CNTN5: variants seen among roughly 807,000 people sequenced by gnomAD.
CNTN5 encodes the protein contactin 5.
In CNTN5, 77 loss-of-function variants were observed where a neutral mutation model predicts 129.1. The ratio of observed to expected loss-of-function variants is 0.60; its 90% confidence interval spans 0.50 to 0.72. The LOEUF is 0.72. Among genes scored for constraint, CNTN5 ranks in the 30% least tolerant of loss-of-function variants. The pLI is 0.00. For synonymous variants in CNTN5, 509 were observed against 465.6 expected, an observed-to-expected ratio of 1.09 and a Z score of -1.20; for missense variants, 1,478 against 1,328.8, an observed-to-expected ratio of 1.11 and a Z score of -1.75.
intron 3 of CNTN5, among the ~76,000 whole-genome samples, chr11:99,581,679 T>G (rs546753488): frequency 4.6e-5 from 7 of 152,338 alleles, no homozygotes; most frequent in Middle Eastern, 3.4e-3. Context: ...GTTTTCCATT[T>G]GCTTGGTAGA....
rs1865422585 is a variant in CNTN5, at chr11:99,318,121, A to G, written c.-209-7225A>G. Among the ~76,000 whole-genome samples the G allele has an allele frequency of 3.9e-5, 6 of 152,346 alleles. No homozygotes were observed. The South Asian group carries it at 1.2e-3, about 32-fold the overall frequency. Reference sequence around the variant, plus strand: ...ATAAAAACCCATAAATGTAAGAGAAATATCTTCTTACATGTACATTATAAG... The same window carrying G: ...ATAAAAACCCATAAATGTAAGAGAAGTATCTTCTTACATGTACATTATAAG... On this transcript the variant is annotated intron_variant, in intron 1 of 24. Coordinates refer to ENST00000524871, the MANE Select transcript of CNTN5 (RefSeq NM_014361.4).
intron 1 of CNTN5, among the ~76,000 whole-genome samples, chr11:99,078,244 A>C (rs1005373955): frequency 3.3e-5 from 5 of 152,194 alleles, no homozygotes; most frequent in African/African-American, 1.2e-4. Flanking sequence ...GTTTTCACTG[A>C]TATTAAGCAT....
intron 6 of CNTN5, among the ~76,000 whole-genome samples, chr11:99,878,420 T>C (rs1948688681): frequency 6.6e-6 from 1 of 152,228 alleles, no homozygotes; most frequent in Non-Finnish European, 1.5e-5. Context: ...CTTACAATTT[T>C]TTCAAATTCT....
chr11:99,726,342 G>A (rs1244315719), intron 3 of CNTN5, among the ~76,000 whole-genome samples: 1 of 152,136 alleles, frequency 6.6e-6, no homozygotes, highest in Non-Finnish European at 1.5e-5. Flanking sequence ...AGCTTTTTCT[G>A]TAATCTATGG....
intron 2 of CNTN5, among the ~76,000 whole-genome samples, chr11:99,445,811 C>T (rs537173774): frequency 2.0e-5 from 3 of 152,048 alleles, no homozygotes; most frequent in African/African-American, 2.4e-5. Flanking sequence ...GGGCCGGGCG[C>T]GGTGACTCAC....
Position 99,737,307 on chromosome 11 carries a change from C to T in CNTN5, c.56-82237C>T, listed in dbSNP as rs572311504. Reference sequence around the variant, plus strand: ...CGTATTTATTGTTCTCCTGAAGCTCCTGTAATTATCTTCCAGTTTAAACGT... The same window carrying T: ...CGTATTTATTGTTCTCCTGAAGCTCTTGTAATTATCTTCCAGTTTAAACGT... On this transcript the variant is annotated intron_variant, in intron 3 of 24. Transcript: ENST00000524871. Among the ~76,000 whole-genome samples the T allele has an allele frequency of 3.0e-4, 45 of 152,288 alleles. No homozygotes were observed. In the South Asian group the frequency reaches 9.3e-3, roughly 32 times the overall value.
At chr11:99,841,563 TATA>T (rs1240642393) in intron 4 of CNTN5, among the ~76,000 whole-genome samples, 5 of 149,478 alleles carry the variant, frequency 3.3e-5, no homozygotes, top group African/African-American at 9.9e-5. Context: ...AGCACATAAG[TATA>T]ATAAGAGTGA....
intron 2 of CNTN5, among the ~76,000 whole-genome samples, chr11:99,388,596 T>C (rs1941058936): frequency 6.6e-6 from 1 of 152,146 alleles, no homozygotes; most frequent in Non-Finnish European, 1.5e-5. Context: ...ACAAGCCCAT[T>C]GAAATCAGAC....
rs149350978 is a variant in CNTN5, at chr11:99,881,751, G to A, written c.578-34303G>A. The stretch of plus-strand genomic sequence containing the variant: ...CAGAAGCTGCTAGTGCTGGGTTTTC[G>A]GTCATTACTATGATTTGTAGCAAAG... On this transcript the variant is annotated intron_variant, in intron 6 of 24. Coordinates refer to ENST00000524871, the MANE Select transcript of CNTN5 (RefSeq NM_014361.4). 3.0e-4 allele frequency among the ~76,000 whole-genome samples: 45 copies of A among 152,222 alleles called. No individual in the cohort carries two copies. The East Asian group carries it at 8.3e-3, about 28-fold the overall frequency.
intron 13 of CNTN5, among the ~76,000 whole-genome samples, chr11:100,077,632 G>T (rs1327562247): frequency 6.6e-6 from 1 of 151,910 alleles, no homozygotes; most frequent in Non-Finnish European, 1.5e-5. Flanking sequence ...ACCAGCCTGT[G>T]CAACACAGCA....
At chr11:99,998,281 C>T (rs987436589) in intron 8 of CNTN5, among the ~76,000 whole-genome samples, 10 of 151,900 alleles carry the variant, frequency 6.6e-5, no homozygotes, top group Non-Finnish European at 1.3e-4. Context: ...AAAACCTCCT[C>T]AAGCTGATAA....
chr11:99,952,140 G>C (rs571382280), intron 7 of CNTN5, among the ~76,000 whole-genome samples: 23 of 152,206 alleles, frequency 1.5e-4, no homozygotes, highest in African/African-American at 4.8e-4. Context: ...TGTCCCTCAT[G>C]CTCAGTAGTA....
At chr11:99,613,871 T>A (rs557929508) in intron 3 of CNTN5, among the ~76,000 whole-genome samples, 8 of 152,320 alleles carry the variant, frequency 5.3e-5, no homozygotes, top group African/African-American at 1.9e-4. Flanking sequence ...ATGTAAACTG[T>A]TAACTTGTAC....
intron 8 of CNTN5, among the ~76,000 whole-genome samples, chr11:99,989,831 T>C (rs1938941948): frequency 6.6e-6 from 1 of 152,182 alleles, no homozygotes; most frequent in African/African-American, 2.4e-5. Context: ...AGTGGCACGA[T>C]CTGGGCTCAC....
At chr11:99,601,045 A>G (rs188774607) in intron 3 of CNTN5, among the ~76,000 whole-genome samples, 1 of 152,262 alleles carries the variant, frequency 6.6e-6, no homozygotes, top group African/African-American at 2.4e-5. Flanking sequence ...TGTCTCTCCT[A>G]CTAAACAACA....
intron 2 of CNTN5, among the ~76,000 whole-genome samples, chr11:99,526,497 A>AT (rs962054124): frequency 5.3e-5 from 8 of 152,302 alleles, no homozygotes; most frequent in Non-Finnish European, 8.8e-5. Context: ...AAATGCAGGG[A>AT]TTTTTTTGTA....
chr11:99,234,758 A>G (rs888105918), intron 1 of CNTN5, among the ~76,000 whole-genome samples: 1 of 151,968 alleles, frequency 6.6e-6, no homozygotes, highest in Non-Finnish European at 1.5e-5. Context: ...TAATTAATAA[A>G]TAATAAAAGT....
At chr11:100,048,560 T>C in intron 9 of CNTN5, among the ~76,000 whole-genome samples, 1 of 151,770 alleles carries the variant, frequency 6.6e-6, no homozygotes, top group East Asian at 1.9e-4. Flanking sequence ...AGTTTTAGAA[T>C]AAAAAAAGTG....
intron 2 of CNTN5, among the ~76,000 whole-genome samples, chr11:99,501,883 C>T (rs940796064): frequency 6.6e-6 from 1 of 152,176 alleles, no homozygotes; most frequent in Non-Finnish European, 1.5e-5. Flanking sequence ...AGGCCTGACT[C>T]ATAGGCATTT....
Sources: allele counts gnomAD v4.1 joint callset (sites outside exome capture counted in the v4.1 genomes callset), GRCh38; gene constraint gnomAD v4.1.1; transcripts MANE v1.5; gene names NCBI Gene and HGNC (gene_info 2026-07-23, HGNC 2026-07-21).